The following PCDH15 variants were observed in gnomAD, a reference collection of about 807,000 sequenced individuals.
The protein encoded by PCDH15 is protocadherin-15.
Under a neutral mutation model 178.5 loss-of-function variants are expected in PCDH15, and 129 were observed. The ratio of observed to expected loss-of-function variants is 0.72; its 90% CI spans 0.63 to 0.84. The LOEUF (loss-of-function observed/expected upper bound fraction) is 0.84, where lower values mean the gene tolerates loss of function less well. Among genes scored for constraint, PCDH15 ranks in the 40% least tolerant of loss-of-function variants. The pLI is 0.00. For missense variants in PCDH15, 2,230 were observed against 2,099.9 expected, an observed-to-expected ratio of 1.06 and a Z score of -1.21; for synonymous variants, 800 against 732.0, an observed-to-expected ratio of 1.09 and a Z score of -1.50.
At chr10:54,115,053 G>T (rs1282836959) in intron 15 of PCDH15, among the ~76,000 whole-genome samples, 1 of 152,168 alleles carries the variant, frequency 6.6e-6, no homozygotes, top group African/African-American at 2.4e-5. Flanking sequence ...GAGCAGTCCA[G>T]TAGGGAAGCT....
chr10:54,604,759 A>G (rs918758301), intron 2 of PCDH15, among the ~76,000 whole-genome samples: 3 of 151,752 alleles, frequency 2.0e-5, no homozygotes, highest in Non-Finnish European at 1.5e-5. Context: ...TTGATAGGGA[A>G]GGATTTACTA....
chr10:54,579,629 G>T (rs1208021925), intron 2 of PCDH15, among the ~76,000 whole-genome samples: 1 of 151,968 alleles, frequency 6.6e-6, no homozygotes, highest in Admixed American at 6.6e-5. Context: ...TTCACCAGTT[G>T]GACCTAGTAG....
chr10:54,093,677 A>T (rs2136086231), intron 15 of PCDH15, among the ~76,000 whole-genome samples: 1 of 152,294 alleles, frequency 6.6e-6, no homozygotes, highest in Non-Finnish European at 1.5e-5. Context: ...GTCAGAAACT[A>T]TATTAAAATT....
At chr10:54,979,543 C>A (rs1282442531) in intron 2 of PCDH15, among the ~76,000 whole-genome samples, 17 of 151,824 alleles carry the variant, frequency 1.1e-4, no homozygotes, top group African/African-American at 3.6e-4. Flanking sequence ...GTGATACGTG[C>A]CTGTAGTCCC....
rs556125881 is a variant in PCDH15 at position 54,925,859 on chromosome 10, G to A, written c.-79-28359C>T. Among the ~76,000 whole-genome samples the A allele has an allele frequency of 2.6e-5, 4 of 152,158 alleles. No individual in the cohort carries two copies. In the South Asian group the frequency reaches 8.3e-4, roughly 32 times the overall value. On this transcript the variant is annotated intron_variant, in intron 2 of 5. Transcript: ENST00000458638. ...AACTTTTGAGCTGAGACTATGCTAT[G>A]GGGTTTTCTAAATATAGGAGCGTGT... is the stretch of plus-strand genomic sequence containing the variant.
intron 6 of PCDH15, among the ~76,000 whole-genome samples, chr10:54,341,440 C>T (rs1427980803): frequency 6.6e-6 from 1 of 152,198 alleles, no homozygotes. Flanking sequence ...TTGTAAGTTT[C>T]CTGAGGTGTC....
intron 2 of PCDH15, among the ~76,000 whole-genome samples, chr10:54,583,774 A>G (rs2104890): frequency 0.92 from 139,722 of 152,066 alleles, 64,740 homozygotes; most frequent in Middle Eastern, 0.98. Flanking sequence ...AATGAGTGAA[A>G]ATAGACACCC....
chr10:55,418,676 T>C (rs1348555797), intron 2 of PCDH15, among the ~76,000 whole-genome samples: 1 of 151,704 alleles, frequency 6.6e-6, no homozygotes, highest in African/African-American at 2.4e-5. Context: ...TATTTAAGGT[T>C]ATGAAATAAT....
At chr10:54,872,159 A>G (rs1406363910) in intron 3 of PCDH15, among the ~76,000 whole-genome samples, 2 of 152,002 alleles carry the variant, frequency 1.3e-5, no homozygotes, top group East Asian at 3.8e-4. Context: ...TGAAATATGT[A>G]TATATGTATT....
intron 2 of PCDH15, among the ~76,000 whole-genome samples, chr10:55,022,948 A>G (rs1242134520): frequency 7.1e-6 from 1 of 141,710 alleles, no homozygotes; most frequent in Non-Finnish European, 1.5e-5. Context: ...TTATTTATAT[A>G]CATATTTTTT....
intron 2 of PCDH15, among the ~76,000 whole-genome samples, chr10:55,349,471 T>C (rs1348862070): frequency 6.6e-6 from 1 of 152,188 alleles, no homozygotes; most frequent in Non-Finnish European, 1.5e-5. Context: ...GACTGCTTCC[T>C]GGTGCTCTTG....
Position 54,030,460 on chromosome 10 carries a change from G to A in PCDH15, c.2221-7263C>T, listed in dbSNP as rs561620415. On this transcript the variant is annotated intron_variant, in intron 18 of 37. Coordinates refer to ENST00000644397, the MANE Select transcript of PCDH15 (RefSeq NM_001384140.1). ...GACAAGCAATTTAAAGACTCATAAT[G>A]CAGGTAAATTTTTTCACTCTCCACA... Among the ~76,000 whole-genome samples the A allele has an allele frequency of 2.0e-5, 3 of 150,352 alleles. No homozygotes were observed. The Admixed American group carries it at 2.0e-4, about 10-fold the overall frequency.
At chr10:55,334,238 ATATATGTGTGTGTGTG>A (rs1467417949) in intron 2 of PCDH15, among the ~76,000 whole-genome samples, 13 of 97,324 alleles carry the variant, frequency 1.3e-4, no homozygotes, top group Non-Finnish European at 2.3e-4. Flanking sequence ...ATATATATAT[ATATATGTGTGTGTGTG>A]TGTGTGTGTG....
intron 3 of PCDH15, among the ~76,000 whole-genome samples, chr10:54,518,277 G>T (rs1327695707): frequency 1.3e-5 from 2 of 152,048 alleles, no homozygotes; most frequent in Admixed American, 1.3e-4. Flanking sequence ...CCAAGAGCTG[G>T]TTTTTTGAAA....
At chr10:54,094,071 G>A (rs2094651356) in intron 15 of PCDH15, among the ~76,000 whole-genome samples, 1 of 152,092 alleles carries the variant, frequency 6.6e-6, no homozygotes, top group Admixed American at 6.6e-5. Flanking sequence ...CCAGCTACCT[G>A]GATTCAGCCT....
chr10:54,015,756 C>T (rs72794952), intron 20 of PCDH15, among the ~76,000 whole-genome samples: 26,307 of 152,014 alleles, frequency 0.17, 2,779 homozygotes, highest in Non-Finnish European at 0.24. Flanking sequence ...CAACTCAAGA[C>T]GGATTGAAGA....
chr10:54,773,803 A>T (rs887204134), intron 1 of PCDH15, among the ~76,000 whole-genome samples: 1 of 152,118 alleles, frequency 6.6e-6, no homozygotes, highest in African/African-American at 2.4e-5. Flanking sequence ...CTAAAATACC[A>T]AGAAAATATC....
At chr10:55,314,562 T>C (rs994359956) in intron 1 of PCDH15, among the ~76,000 whole-genome samples, 4 of 133,156 alleles carry the variant, frequency 3.0e-5, no homozygotes, top group Non-Finnish European at 6.2e-5. Flanking sequence ...ATTATATATA[T>C]TACAGAGCTC....
intron 26 of PCDH15, among the ~76,000 whole-genome samples, chr10:53,878,271 CAT>C (rs2080401466): frequency 7.4e-6 from 1 of 134,818 alleles, no homozygotes; most frequent in African/African-American, 3.1e-5. Flanking sequence ...TAAACTATGG[CAT>C]ACACACACAC....
Sources: allele counts gnomAD v4.1 joint callset (sites outside exome capture counted in the v4.1 genomes callset), GRCh38; gene constraint gnomAD v4.1.1; transcripts MANE v1.5; gene names NCBI Gene and HGNC (gene_info 2026-07-23, HGNC 2026-07-21).